The following RPL10L variants were observed in gnomAD, a reference collection of about 807,000 sequenced individuals.
The protein encoded by RPL10L is ribosomal protein uL16-like.
Under a neutral mutation model 10.2 loss-of-function variants are expected in RPL10L, and 11 were observed. The ratio of observed to expected loss-of-function variants is 1.08; its 90% CI spans 0.68 to 1.79. RPL10L has a LOEUF of 1.79. Among genes scored for constraint, RPL10L ranks in the 40% most tolerant of loss-of-function variants. The probability of loss-of-function intolerance (pLI) is 0.00; values close to 1 mark genes in which losing one functional copy is unlikely to be tolerated. For missense variants in RPL10L, 320 were observed against 289.8 expected, an observed-to-expected ratio of 1.10 and a Z score of -0.76; for synonymous variants, 120 against 101.7, an observed-to-expected ratio of 1.18 and a Z score of -1.08.
In RPL10L at chr14:46,651,472, C is replaced by A. The variant is rs973899909; in HGVS notation, c.265G>T (p.Val89Leu). 1 of 1,614,204 alleles carries A rather than the reference C, an allele frequency of 6.2e-7. No individual in the cohort carries two copies. Among genetic ancestry groups the A allele is most frequent in the African/African-American group, 1.3e-5 (1 of 75,058 alleles). Residue 89 changes from valine to leucine, a missense_variant, in exon 1 of 1, where the codon GTG (valine) becomes TTG (leucine). Val to Leu is a conservative substitution (Grantham distance 32, BLOSUM62 1). Coordinates refer to ENST00000298283, the MANE Select transcript of RPL10L (RefSeq NM_080746.3). Reference sequence around the variant, plus strand: ...ATGACATGGAAGGGATGGAGCCGCACTCGCATGTGAAAGCCATCTCTGCCA... The same window carrying A: ...ATGACATGGAAGGGATGGAGCCGCAATCGCATGTGAAAGCCATCTCTGCCA... ...SCGRDGFHMR[V>L]RLHPFHVIRI...
At position 46,651,417 on chromosome 14, in the gene RPL10L, C is replaced by G; in HGVS notation, c.320G>C (p.Gly107Ala). 6 of 1,614,132 alleles carry G rather than the reference C, an allele frequency of 3.7e-6. No homozygotes were observed. The highest frequency in any genetic ancestry group is 1.1e-5 in the South Asian group (1 of 91,080). ...CATACCTGTCTGGAGCCTGTCAGCC[C>G]CAGCACAGGACAACATCTTGTTGAT... Reference protein sequence around the residue: ...IRINKMLSCAGADRLQTGMRG... With the variant: ...IRINKMLSCAAADRLQTGMRG... Residue 107 changes from glycine to alanine, a missense_variant, in exon 1 of 1, where the codon GGG becomes GCG. Physicochemically the swap from Gly to Ala is moderately conservative, Grantham distance 60. Coordinates refer to ENST00000298283, the MANE Select transcript of RPL10L (RefSeq NM_080746.3).
In RPL10L at chr14:46,651,075, CAG is replaced by C; in HGVS notation, c.*15_*16del. On this transcript the variant is annotated 3_prime_UTR_variant, in exon 1 of 1. Transcript: ENST00000298283. ...GTCAGACCAGCATGGCCCAAGGAGA[CAG>C]TACTGCCAAAACCTTCATGAGTGCA... 1 of 1,606,540 alleles carries C rather than the reference CAG, an allele frequency of 6.2e-7. No individual in the cohort carries two copies. The highest frequency in any genetic ancestry group is 8.5e-7 in the Non-Finnish European group (1 of 1,175,660).
In RPL10L at chr14:46,651,685, G is replaced by A. The variant is rs146301674; in HGVS notation, c.52C>T (p.Pro18Ser). 2.5e-6 allele frequency: 4 copies of A among 1,614,088 alleles called. No individual in the cohort carries two copies. In the African/African-American group the frequency reaches 4.0e-5, roughly 16 times the overall value. The change falls in exon 1 of 1, where the codon CCA becomes TCA. Residue 18 changes from proline to serine, a missense_variant. Coordinates refer to ENST00000298283, the MANE Select transcript of RPL10L (RefSeq NM_080746.3). ...ACCCCTCGGCAGAAACGAGATTTTG[G>A]GTACGGCTTGTTCTTACAATACCGG... is the stretch of plus-strand genomic sequence containing the variant. ...CYRYCKNKPY[P>S]KSRFCRGVPD...
Position 46,651,100 on chromosome 14 carries a change from G to T in RPL10L, c.637C>A (p.His213Asn), listed in dbSNP as rs1407430069. The T allele has an allele frequency of 1.2e-6, 2 of 1,613,612 alleles. No individual in the cohort carries two copies. The highest frequency in any genetic ancestry group is 2.2e-5 in the East Asian group (1 of 44,882). ...HGPLDKWRVL[H>N]S ...CAGTACTGCCAAAACCTTCATGAGTGCAGAACCCGCCACTTGTCCAAGGGG... is the reference window on the plus strand; with the variant it reads ...CAGTACTGCCAAAACCTTCATGAGTTCAGAACCCGCCACTTGTCCAAGGGG... Residue 213 changes from histidine (H) to asparagine (N), a missense_variant, in exon 1 of 1, where the codon CAC (histidine) becomes AAC (asparagine). His to Asn is a moderately conservative substitution (Grantham distance 68). Transcript: ENST00000298283.
rs1242678072 is a variant in RPL10L, at chr14:46,651,542, C to T, written c.195G>A (p.Leu65=). The T allele has an allele frequency of 3.1e-6, 5 of 1,614,168 alleles. No homozygotes were observed. The highest frequency in any genetic ancestry group is 1.1e-5 in the South Asian group (1 of 91,084). Residue 65 remains leucine, a synonymous_variant, in exon 1 of 1, where the codon CTG becomes CTA. Coordinates refer to ENST00000298283, the MANE Select transcript of RPL10L (RefSeq NM_080746.3). Reference sequence around the variant, plus strand: ...TGTTGGCACAAATACGGGCGGCCTCCAGGGCTTCAGAAGACAGCTGCTCAT... The same window carrying T: ...TGTTGGCACAAATACGGGCGGCCTCTAGGGCTTCAGAAGACAGCTGCTCAT... ...DEYEQLSSEA[L]EAARICANKY... is the part of the protein sequence containing the mutation.
chr14:46,651,588 C>A lies in RPL10L; in HGVS notation c.149G>T (p.Gly50Val). 1 of 1,614,158 alleles carries A rather than the reference C, an allele frequency of 6.2e-7. No homozygotes were observed. Among genetic ancestry groups the A allele is most frequent in the Non-Finnish European group, 8.5e-7 (1 of 1,180,030 alleles). Residue 50 changes from glycine to valine, a missense_variant, in exon 1 of 1, where the codon GGC becomes GTC. By Grantham distance (109) the Gly-to-Val change is moderately radical. Transcript: ENST00000298283. ...CTCATATTCATCAGACACCATGTGG[C>A]CACCGAGTGGGAACTCATCCACTTT... ...KAKVDEFPLG[G>V]HMVSDEYEQL...
chr14:46,651,238 T>C lies in RPL10L; in HGVS notation c.499A>G (p.Ile167Val). Residue 167 changes from isoleucine (I) to valine (V), a missense_variant, in exon 1 of 1, where the codon ATC (isoleucine) becomes GTC (valine). Ile to Val is a conservative substitution (Grantham distance 29, BLOSUM62 3). Transcript: ENST00000298283. ...TTCGTGAAGCCCCACTTCTTGGAGA[T>C]ATGAATCTTCTGGCGTCCAGGGAAC... is the stretch of plus-strand genomic sequence containing the variant. ...FKFPGRQKIH[I>V]SKKWGFTKFN... 1.9e-6 allele frequency: 3 copies of C among 1,614,186 alleles called. No individual in the cohort carries two copies. Among genetic ancestry groups the C allele is most frequent in the South Asian group, 1.1e-5 (1 of 91,084 alleles).
Position 46,651,750 on chromosome 14 carries a change from C to G in RPL10L, c.-14G>C. ...ACGGCGCCCCATGGCGACACAGTAACGTCGGCGGTGCCTCGAAGTCAAAAT... is the reference window on the plus strand; with the variant it reads ...ACGGCGCCCCATGGCGACACAGTAAGGTCGGCGGTGCCTCGAAGTCAAAAT... On this transcript the variant is annotated 5_prime_UTR_variant, in exon 1 of 1. Coordinates refer to ENST00000298283, the MANE Select transcript of RPL10L (RefSeq NM_080746.3). 6.2e-7 allele frequency: 1 copy of G among 1,613,982 alleles called. No individual in the cohort carries two copies.
In RPL10L at chr14:46,651,349, G is replaced by C; in HGVS notation, c.388C>G (p.His130Asp). The change falls in exon 1 of 1, where the codon CAC becomes GAC. Residue 130 changes from histidine (H) to aspartate (D), a missense_variant. Coordinates refer to ENST00000298283, the MANE Select transcript of RPL10L (RefSeq NM_080746.3). The part of the protein sequence containing the change: ...GKPQGTVARV[H>D]IGQVIMSIRT... ...ATGGACATGATGACTTGACCAATGTGGACCCGGGCTACAGTACCCTGGGGT... is the reference window on the plus strand; with the variant it reads ...ATGGACATGATGACTTGACCAATGTCGACCCGGGCTACAGTACCCTGGGGT... The C allele has an allele frequency of 6.2e-7, 1 of 1,614,132 alleles. No homozygotes were observed. Among genetic ancestry groups the C allele is most frequent in the South Asian group, 1.1e-5 (1 of 91,078 alleles).
At position 46,651,029 on chromosome 14, in the gene RPL10L, A is replaced by G; in HGVS notation, c.*63T>C. The G allele has an allele frequency of 6.7e-7, 1 of 1,497,564 alleles. No individual in the cohort carries two copies. The highest frequency in any genetic ancestry group is 2.2e-5 in the Admixed American group (1 of 44,546). The allele number at this position is 1,497,564 out of a possible 1,614,324, so 92.8% of individuals were successfully genotyped here. ...AAGGAGTTATTTTTTGCCAGTAAACAGAATTTATTAGTAAGCATAAGTCAG... is the reference window on the plus strand; with the variant it reads ...AAGGAGTTATTTTTTGCCAGTAAACGGAATTTATTAGTAAGCATAAGTCAG... On this transcript the variant is annotated 3_prime_UTR_variant, in exon 1 of 1. Coordinates refer to ENST00000298283, the MANE Select transcript of RPL10L (RefSeq NM_080746.3).
At position 46,651,571 on chromosome 14, in the gene RPL10L, C is replaced by T. The variant is rs1329280985; in HGVS notation, c.166G>A (p.Glu56Lys). 9.9e-6 allele frequency: 16 copies of T among 1,614,146 alleles called. No homozygotes were observed. Among genetic ancestry groups the T allele is most frequent in the Non-Finnish European group, 1.4e-5 (16 of 1,180,020 alleles). The stretch of plus-strand genomic sequence containing the variant: ...GCTTCAGAAGACAGCTGCTCATATT[C>T]ATCAGACACCATGTGGCCACCGAGT... The part of the protein sequence containing the change: ...FPLGGHMVSD[E>K]YEQLSSEALE... Residue 56 changes from glutamate (E) to lysine (K), a missense_variant, in exon 1 of 1, where the codon GAA becomes AAA. Physicochemically the swap from Glu to Lys is moderately conservative, Grantham distance 56 (BLOSUM62 1). Transcript: ENST00000298283.
rs773606196 is a variant in RPL10L at position 46,651,134 on chromosome 14, G to A, written c.603C>T (p.Pro201=). 1 of 1,614,180 alleles carries A rather than the reference G, an allele frequency of 6.2e-7. No homozygotes were observed. Among genetic ancestry groups the A allele is most frequent in the Admixed American group, 1.7e-5 (1 of 60,030 alleles). ...IPDGCGVKYV[P]SHGPLDKWRV... ...GCCACTTGTCCAAGGGGCCATGACT[G>A]GGAACGTACTTGACTCCACAACCAT... The change falls in exon 1 of 1, where the codon CCC becomes CCT. Residue 201 remains proline (P), a synonymous_variant. Coordinates refer to ENST00000298283, the MANE Select transcript of RPL10L (RefSeq NM_080746.3).
chr14:46,651,340 G>A lies in RPL10L; in HGVS notation c.397C>T (p.Gln133Ter). 6.2e-7 allele frequency: 1 copy of A among 1,614,108 alleles called. No homozygotes were observed. Residue 133 changes from glutamine (Q) to a stop codon, truncating the protein, a stop_gained, in exon 1 of 1, where the codon CAA becomes TAA. Transcript: ENST00000298283. LOFTEE classifies it high-confidence loss of function. The part of the protein sequence containing the change: ...QGTVARVHIG[Q>*]VIMSIRTKLQ... ...TTGGTGCGGATGGACATGATGACTT[G>A]ACCAATGTGGACCCGGGCTACAGTA...
chr14:46,651,107 C>T lies in RPL10L; in HGVS notation c.630G>A (p.Arg210=). Residue 210 remains arginine, a synonymous_variant, in exon 1 of 1, where the codon CGG becomes CGA. Coordinates refer to ENST00000298283, the MANE Select transcript of RPL10L (RefSeq NM_080746.3). ...GCCAAAACCTTCATGAGTGCAGAACCCGCCACTTGTCCAAGGGGCCATGAC... is the reference window on the plus strand; with the variant it reads ...GCCAAAACCTTCATGAGTGCAGAACTCGCCACTTGTCCAAGGGGCCATGAC... ...VPSHGPLDKW[R]VLHS is the part of the protein sequence containing the mutation. 6.2e-7 allele frequency: 1 copy of T among 1,613,896 alleles called. No homozygotes were observed. The highest frequency in any genetic ancestry group is 8.5e-7 in the Non-Finnish European group (1 of 1,179,860).
In RPL10L at chr14:46,651,741, ACACAGTAACGT is replaced by A. The variant is rs1228109910; in HGVS notation, c.-16_-6del. On this transcript the variant is annotated 5_prime_UTR_variant, in exon 1 of 1. Coordinates refer to ENST00000298283, the MANE Select transcript of RPL10L (RefSeq NM_080746.3). Reference sequence around the variant, plus strand: ...GCGAGCTGGACGGCGCCCCATGGCGACACAGTAACGTCGGCGGTGCCTCGAAGTCAAAATGC... The same window carrying A: ...GCGAGCTGGACGGCGCCCCATGGCGACGGCGGTGCCTCGAAGTCAAAATGC... The A allele has an allele frequency of 1.2e-6, 2 of 1,614,070 alleles. No individual in the cohort carries two copies. The highest frequency in any genetic ancestry group is 2.7e-5 in the African/African-American group (2 of 74,948).
At position 46,651,737 on chromosome 14, in the gene RPL10L, G is replaced by T. The variant is rs982659480; in HGVS notation, c.-1C>A. The T allele has an allele frequency of 2.5e-6, 4 of 1,614,090 alleles. No individual in the cohort carries two copies. The African/African-American group carries it at 5.3e-5, about 22-fold the overall frequency. On this transcript the variant is annotated 5_prime_UTR_variant, in exon 1 of 1. Coordinates refer to ENST00000298283, the MANE Select transcript of RPL10L (RefSeq NM_080746.3). Reference sequence around the variant, plus strand: ...AACAGCGAGCTGGACGGCGCCCCATGGCGACACAGTAACGTCGGCGGTGCC... The same window carrying T: ...AACAGCGAGCTGGACGGCGCCCCATTGCGACACAGTAACGTCGGCGGTGCC...
Position 46,651,707 on chromosome 14 carries a change from C to A in RPL10L, c.30G>T (p.Arg10=). 1 of 1,614,240 alleles carries A rather than the reference C, an allele frequency of 6.2e-7. No individual in the cohort carries two copies. The highest frequency in any genetic ancestry group is 8.5e-7 in the Non-Finnish European group (1 of 1,180,046). The change falls in exon 1 of 1, where the codon CGG becomes CGT. Residue 10 remains arginine (R), a synonymous_variant. Coordinates refer to ENST00000298283, the MANE Select transcript of RPL10L (RefSeq NM_080746.3). The part of the protein sequence containing the change: MGRRPARCY[R]YCKNKPYPKS... ...TTGGGTACGGCTTGTTCTTACAATA[C>A]CGGTAACAGCGAGCTGGACGGCGCC...
In RPL10L at chr14:46,651,670, A is replaced by C. The variant is rs745732502; in HGVS notation, c.67T>G (p.Cys23Gly). ...ATCTTGGCATCAGGAACCCCTCGGC[A>C]GAAACGAGATTTTGGGTACGGCTTG... ...KNKPYPKSRF[C>G]RGVPDAKIRI... Residue 23 changes from cysteine (C) to glycine (G), a missense_variant, in exon 1 of 1, where the codon TGC becomes GGC. By Grantham distance (159) the Cys-to-Gly change is radical. Coordinates refer to ENST00000298283, the MANE Select transcript of RPL10L (RefSeq NM_080746.3). 2 of 1,614,110 alleles carry C rather than the reference A, an allele frequency of 1.2e-6. No individual in the cohort carries two copies. The highest frequency in any genetic ancestry group is 3.3e-5 in the Admixed American group (2 of 60,008).
Position 46,651,373 on chromosome 14 carries a change from GT to G in RPL10L, c.363del (p.Lys121AsnfsTer6). On this transcript the variant is annotated frameshift_variant, in exon 1 of 1. Coordinates refer to ENST00000298283, the MANE Select transcript of RPL10L (RefSeq NM_080746.3). LOFTEE classifies it high-confidence loss of function. ...LQTGMRGAFG[K>X]PQGTVARVHI... is the part of the protein sequence containing the mutation. ...TGGACCCGGGCTACAGTACCCTGGGGTTTTCCAAAGGCACCTCGCATACCTG... is the reference window on the plus strand; with the variant it reads ...TGGACCCGGGCTACAGTACCCTGGGGTTTCCAAAGGCACCTCGCATACCTG... 6.2e-7 allele frequency: 1 copy of G among 1,614,126 alleles called. No individual in the cohort carries two copies. The highest frequency in any genetic ancestry group is 8.5e-7 in the Non-Finnish European group (1 of 1,180,036).
Sources: allele counts gnomAD v4.1 joint callset, GRCh38; gene constraint gnomAD v4.1.1; transcripts MANE v1.5; gene names NCBI Gene and HGNC (gene_info 2026-07-23, HGNC 2026-07-21).